Variants in DES observed in about 807,000 individuals in gnomAD.
The protein encoded by DES is cardiomyopathy, dilated 1F (autosomal dominant).
Under a neutral mutation model 55.1 loss-of-function variants are expected in DES, and 34 were observed. The observed-to-expected ratio is 0.62, with a 90% confidence interval of 0.47 to 0.82. DES has a LOEUF of 0.82. Among genes scored for constraint, DES ranks in the 40% least tolerant of loss-of-function variants. DES has a pLI of 0.00. For synonymous variants in DES, 259 were observed against 270.8 expected (o/e 0.96, Z 0.43); for missense variants, 596 against 645.9 (o/e 0.92, Z 0.84).
rs371644801 is a variant in DES at position 219,425,975 on chromosome 2, G to A, written c.1398G>A (p.Gln466=). 1 of 1,614,022 alleles carries A rather than the reference G, an allele frequency of 6.2e-7. No homozygotes were observed. The highest frequency in any genetic ancestry group is 8.5e-7 in the Non-Finnish European group (1 of 1,179,980). Residue 466 remains glutamine (Q), a synonymous_variant, in exon 9 of 9, where the codon CAG becomes CAA. Coordinates refer to ENST00000373960, the MANE Select transcript of DES (RefSeq NM_001927.4). The stretch of plus-strand genomic sequence containing the variant: ...TCGTCAGTGAGGCCACACAGCAGCA[G>A]CATGAAGTGCTCTAAAGACAGAGAC... ...GEVVSEATQQ[Q]HEVL is the part of the protein sequence containing the mutation.
At position 219,419,221 on chromosome 2, in the gene DES, C is replaced by T. The variant is rs1370887451; in HGVS notation, c.578+181C>T. On this transcript the variant is annotated intron_variant, in intron 1 of 8. Coordinates refer to ENST00000373960, the MANE Select transcript of DES (RefSeq NM_001927.4). The surrounding 1 kb of genome is among the most constrained non-coding windows in gnomAD (Gnocchi z 4.3). ...AAGGGGCCGTGACCTCCAGGTCTCT[C>T]CCCCTGCGATCCCATCTTGCACAGG... 6.6e-6 allele frequency among the ~76,000 whole-genome samples: 1 copy of T among 152,196 alleles called. No individual in the cohort carries two copies. Among genetic ancestry groups the T allele is most frequent in the Non-Finnish European group, 1.5e-5 (1 of 68,030 alleles).
In DES at chr2:219,423,971, G is replaced by A; in HGVS notation, c.1288+151G>A. The A allele has an allele frequency of 3.6e-6, 3 of 822,010 alleles. No individual in the cohort carries two copies. The Admixed American group carries it at 6.1e-5, about 17-fold the overall frequency. The allele number at this position is 822,010 out of a possible 1,614,324, so 50.9% of individuals were successfully genotyped here. A position where few individuals can be genotyped will look rare whatever the true frequency, so the allele number is the denominator to read the frequency against. ...AAGAAAAAGGGGACCACTGCGGGTAGGTGGGGGAGTTTAGGTAGAGGTGGA... is the reference window on the plus strand; with the variant it reads ...AAGAAAAAGGGGACCACTGCGGGTAAGTGGGGGAGTTTAGGTAGAGGTGGA... On this transcript the variant is annotated intron_variant, in intron 7 of 8. Coordinates refer to ENST00000373960, the MANE Select transcript of DES (RefSeq NM_001927.4).
intron 7 of DES, 181 bp from the exon 8 acceptor site, chr2:219,425,482 C>T (rs905510472): frequency 3.0e-5 from 19 of 638,998 alleles, no homozygotes; most frequent in Middle Eastern, 3.9e-4. Flanking sequence ...ACTGCAGAAC[C>T]ACCTGCTGGG....
chr2:219,425,831 T>C, intron 8 of DES, 86 bp downstream of exon 8: 5 of 1,600,206 alleles, frequency 3.1e-6, no homozygotes, highest in Non-Finnish European at 4.3e-6. Context: ...TGTGCTGGTC[T>C]AGGTCCCTGG....
Position 219,418,425 on chromosome 2 carries a change from T to C in DES, c.-38T>C. On this transcript the variant is annotated 5_prime_UTR_variant, in exon 1 of 9. Transcript: ENST00000373960. The stretch of plus-strand genomic sequence containing the variant: ...TCCGGCCGGCCGCCTGCCCGCCGCC[T>C]CCTCCGTGCGCCCGCCAGCCTCGCC... 1 of 1,539,164 alleles carries C rather than the reference T, an allele frequency of 6.5e-7. No homozygotes were observed. The highest frequency in any genetic ancestry group is 8.7e-7 in the Non-Finnish European group (1 of 1,155,384).
chr2:219,419,519 TG>T lies in DES; in HGVS notation c.578+485del, dbSNP rs369906961. 4.7e-4 allele frequency among the ~76,000 whole-genome samples: 22 copies of T among 47,070 alleles called. No homozygotes were observed. The highest frequency in any genetic ancestry group is 2.3e-4 in the Non-Finnish European group (5 of 22,220). 30.9% of individuals were successfully genotyped at this position (47,070 alleles called of 152,430 possible). On this transcript the variant is annotated intron_variant, in intron 1 of 8. Coordinates refer to ENST00000373960, the MANE Select transcript of DES (RefSeq NM_001927.4). This position sits in a 1 kb window ranked among gnomAD's most constrained non-coding sequence, Gnocchi z 4.3. ...AGCTGTGATGAGGCCCTGGGGGAGG[TG>T]GGGGGAGGGGGGAGCTTGGCCCTGG... is the stretch of plus-strand genomic sequence containing the variant.
chr2:219,423,801 C>T lies in DES; in HGVS notation c.1269C>T (p.Tyr423=), dbSNP rs765867148. The change falls in exon 7 of 9, where the codon TAC becomes TAT. Residue 423 remains tyrosine, a synonymous_variant. Coordinates refer to ENST00000373960, the MANE Select transcript of DES (RefSeq NM_001927.4). ...ESRINLPIQT[Y]SALNFRETSP... ...GGATCAATCTCCCCATCCAGACCTA[C>T]TCTGCCCTCAACTTCCGAGGTGAGT... The T allele has an allele frequency of 1.2e-5, 20 of 1,613,852 alleles. No individual in the cohort carries two copies. In the Middle Eastern group the frequency reaches 6.6e-4, roughly 53 times the overall value.
At chr2:219,425,914 G>C in intron 8 of DES, 35 bp from the exon 9 acceptor site, 2 of 1,613,816 alleles carry the variant, frequency 1.2e-6, no homozygotes, top group East Asian at 4.5e-5. Flanking sequence ...TCTCTGGCTA[G>C]CACATGGTTG....
chr2:219,425,978 T>C lies in DES; in HGVS notation c.1401T>C (p.His467=). The C allele has an allele frequency of 6.2e-7, 1 of 1,614,026 alleles. No individual in the cohort carries two copies. The highest frequency in any genetic ancestry group is 8.5e-7 in the Non-Finnish European group (1 of 1,179,982). ...TCAGTGAGGCCACACAGCAGCAGCA[T>C]GAAGTGCTCTAAAGACAGAGACCCT... ...EVVSEATQQQ[H]EVL Residue 467 remains histidine (H), a synonymous_variant, in exon 9 of 9, where the codon CAT becomes CAC. Coordinates refer to ENST00000373960, the MANE Select transcript of DES (RefSeq NM_001927.4).
chr2:219,423,556 C>T (rs903322591), intron 6 of DES, among the ~76,000 whole-genome samples: 1 of 151,636 alleles, frequency 6.6e-6, no homozygotes, highest in African/African-American at 2.4e-5. Flanking sequence ...TCTCCTGCCT[C>T]ACCCTCCTGA....
intron 6 of DES, among the ~76,000 whole-genome samples, chr2:219,422,597 T>G (rs1227072769): frequency 6.6e-6 from 1 of 150,942 alleles, no homozygotes; most frequent in Non-Finnish European, 1.5e-5. Flanking sequence ...CCCTAGTAGC[T>G]GGGATTACAG....
chr2:219,421,507 C>T lies in DES; in HGVS notation c.1191C>T (p.Ala397=), dbSNP rs1157219537. 15 of 1,613,988 alleles carry T rather than the reference C, an allele frequency of 9.3e-6. No homozygotes were observed. The highest frequency in any genetic ancestry group is 1.3e-5 in the Non-Finnish European group (15 of 1,180,006). Residue 397 remains alanine, a synonymous_variant, in exon 6 of 9, where the codon GCC becomes GCT. Transcript: ENST00000373960. ...EYQDLLNVKM[A]LDVEIATYRK... is the part of the protein sequence containing the mutation. ...AGGACCTGCTCAACGTGAAGATGGC[C>T]CTGGATGTGGAGATTGCCACCTACC...
Position 219,420,226 on chromosome 2 carries a change from G to A in DES, c.640-25G>A. The A allele has an allele frequency of 3.1e-6, 5 of 1,614,144 alleles. No individual in the cohort carries two copies. Among genetic ancestry groups the A allele is most frequent in the Non-Finnish European group, 3.4e-6 (4 of 1,179,978 alleles). The stretch of plus-strand genomic sequence containing the variant: ...GCCCCACCTGGGTGGCGGTGACCAT[G>A]TCCTTCTCGCTTGGCCTCTCCCAGG... On this transcript the variant is annotated intron_variant, in intron 2 of 8. Coordinates refer to ENST00000373960, the MANE Select transcript of DES (RefSeq NM_001927.4). This position sits in a 1 kb window ranked among gnomAD's most constrained non-coding sequence, Gnocchi z 6.0.
Position 219,419,068 on chromosome 2 carries a change from T to C in DES, c.578+28T>C, listed in dbSNP as rs1157554938. On this transcript the variant is annotated intron_variant, in intron 1 of 8. Coordinates refer to ENST00000373960, the MANE Select transcript of DES (RefSeq NM_001927.4). This position sits in a 1 kb window ranked among gnomAD's most constrained non-coding sequence, Gnocchi z 4.3. Reference sequence around the variant, plus strand: ...GAGGGCCCGGCACCCCAGACTCCTCTTTCTGCGGGCAGGGCACAGGAGGCT... The same window carrying C: ...GAGGGCCCGGCACCCCAGACTCCTCCTTCTGCGGGCAGGGCACAGGAGGCT... 4 of 1,535,822 alleles carry C rather than the reference T, an allele frequency of 2.6e-6. No homozygotes were observed. In the South Asian group the frequency reaches 4.8e-5, roughly 18 times the overall value.
At position 219,419,950 on chromosome 2, in the gene DES, C is replaced by T; in HGVS notation, c.579-145C>T. 1.2e-6 allele frequency: 1 copy of T among 836,808 alleles called. No homozygotes were observed. The highest frequency in any genetic ancestry group is 2.0e-6 in the Non-Finnish European group (1 of 496,294). The allele number at this position is 836,808 out of a possible 1,614,324, so 51.8% of individuals were successfully genotyped here. On this transcript the variant is annotated intron_variant, in intron 1 of 8. Coordinates refer to ENST00000373960, the MANE Select transcript of DES (RefSeq NM_001927.4). This position sits in a 1 kb window ranked among gnomAD's most constrained non-coding sequence, Gnocchi z 4.3. Reference sequence around the variant, plus strand: ...CCCTCCCTGGGTGGGTGGGGCCTCTCCACTCCCTGTCTCTCCTGCCTCTAC... The same window carrying T: ...CCCTCCCTGGGTGGGTGGGGCCTCTTCACTCCCTGTCTCTCCTGCCTCTAC...
At chr2:219,425,848 G>C in intron 8 of DES, 101 bp from the exon 9 acceptor site, 2 of 1,599,490 alleles carry the variant, frequency 1.3e-6, no homozygotes, top group Non-Finnish European at 1.7e-6. Flanking sequence ...CTGGCTAGTG[G>C]GGCAAGAGAG....
In DES at chr2:219,420,154, C is replaced by T. The variant is rs41272699; in HGVS notation, c.638C>T (p.Ala213Val). Residue 213 changes from alanine (A) to valine (V), a missense_variant and splice_region_variant, in exon 2 of 9, where the codon GCG (alanine) becomes GTG (valine). Ala to Val is a moderately conservative substitution (Grantham distance 64). Transcript: ENST00000373960. The surrounding 1 kb of genome is among the most constrained non-coding windows in gnomAD (Gnocchi z 6.0). ...GAGAACAATTTGGCTGCCTTCCGAG[C>T]GGTGAGTGCCCTTCTTTTCCCCTTG... ...EAENNLAAFR[A>V]DVDAATLARI... 22,813 of 1,614,216 alleles carry T rather than the reference C, an allele frequency of 0.014. 233 individuals carry two copies. Among genetic ancestry groups the T allele is most frequent in the Non-Finnish European group, 0.017 (20,405 of 1,180,018 alleles).
Position 219,426,011 on chromosome 2 carries a change from C to T in DES, c.*21C>T. On this transcript the variant is annotated 3_prime_UTR_variant, in exon 9 of 9. Coordinates refer to ENST00000373960, the MANE Select transcript of DES (RefSeq NM_001927.4). This position sits in a 1 kb window ranked among gnomAD's most constrained non-coding sequence, Gnocchi z 4.5. ...TCTAAAGACAGAGACCCTCTGCCAC[C>T]AGAGACCGTCCTCACCCCTGTCCTC... The T allele has an allele frequency of 6.2e-7, 1 of 1,613,838 alleles. No homozygotes were observed. The highest frequency in any genetic ancestry group is 8.5e-7 in the Non-Finnish European group (1 of 1,179,872).
In DES at chr2:219,426,112, C is replaced by A. The variant is rs1575017053; in HGVS notation, c.*122C>A. The A allele has an allele frequency of 2.7e-6, 3 of 1,128,356 alleles. No homozygotes were observed. Among genetic ancestry groups the A allele is most frequent in the Admixed American group, 2.0e-5 (1 of 51,076 alleles). The allele number at this position is 1,128,356 out of a possible 1,614,324, so 69.9% of individuals were successfully genotyped here. ...TCAGTCCTCCCCTCACAGCCTCTGA[C>A]CCCTCCTCACTGGCCATCCCTCGTG... On this transcript the variant is annotated 3_prime_UTR_variant, in exon 9 of 9. Transcript: ENST00000373960. The surrounding 1 kb of genome is among the most constrained non-coding windows in gnomAD (Gnocchi z 4.5).
Sources: allele counts gnomAD v4.1 joint callset (sites outside exome capture counted in the v4.1 genomes callset), GRCh38; gene constraint gnomAD v4.1.1; non-coding constraint Gnocchi (gnomAD v3.1); transcripts MANE v1.5; gene names NCBI Gene and HGNC (gene_info 2026-07-23, HGNC 2026-07-21).